Variants in SNTG2 observed in about 807,000 individuals in gnomAD.
The protein encoded by SNTG2 is syntrophin gamma 2.
In SNTG2, 74 loss-of-function variants were observed where a neutral mutation model predicts 70.9. The ratio of observed to expected loss-of-function variants is 1.04; its 90% CI spans 0.86 to 1.27. SNTG2 has a LOEUF of 1.27. Ranked by LOEUF, SNTG2 falls within the 50% of genes most tolerant of loss-of-function variation. The pLI is 0.00. For synonymous variants in SNTG2, 278 were observed against 273.8 expected, an observed-to-expected ratio of 1.02 and a Z score of -0.15; for missense variants, 717 against 690.7, an observed-to-expected ratio of 1.04 and a Z score of -0.43.
intron 1 of SNTG2, among the ~76,000 whole-genome samples, chr2:986,658 G>A (rs1228291274): frequency 2.6e-5 from 4 of 152,210 alleles, no homozygotes; most frequent in Non-Finnish European, 5.9e-5. Context: ...CGGAGATTCT[G>A]TGAAATGTCT....
At chr2:1,262,244 T>C (rs546177477) in intron 13 of SNTG2, among the ~76,000 whole-genome samples, 2 of 152,234 alleles carry the variant, frequency 1.3e-5, no homozygotes, top group East Asian at 1.9e-4. Flanking sequence ...AGGGCCATCA[T>C]TGTCTGTTAA....
At position 1,194,372 on chromosome 2, in the gene SNTG2, A is replaced by C. The variant is rs143394452; in HGVS notation, c.592-14731A>C. The stretch of plus-strand genomic sequence containing the variant: ...CCTCAGGCAGTTTCACCTTGTGACC[A>C]CATACAGCTGTGAAAATCACATATA... On this transcript the variant is annotated intron_variant, in intron 8 of 16. Coordinates refer to ENST00000308624, the MANE Select transcript of SNTG2 (RefSeq NM_018968.4). Among the ~76,000 whole-genome samples, 57 of 152,302 alleles carry C rather than the reference A, an allele frequency of 3.7e-4. 1 individual carries two copies. The East Asian group carries it at 8.3e-3, about 22-fold the overall frequency.
chr2:1,364,479 G>T (rs796438791), intron 16 of SNTG2, among the ~76,000 whole-genome samples: 2 of 151,824 alleles, frequency 1.3e-5, no homozygotes, highest in Non-Finnish European at 2.9e-5. Flanking sequence ...AACCCTGGCC[G>T]GGCGCGGTGG....
In SNTG2 at chr2:950,908, G is replaced by C. The variant is rs1469187276; in HGVS notation, c.-89G>C. On this transcript the variant is annotated 5_prime_UTR_variant, in exon 1 of 17. Transcript: ENST00000308624. ...GGCAGAGGGGCGCGGGCGCGGACGC[G>C]GCGCCTGGCGGGGCCCTGGGAGGCT... 2.4e-5 allele frequency: 14 copies of C among 589,234 alleles called. No individual in the cohort carries two copies. The highest frequency in any genetic ancestry group is 3.1e-5 in the Non-Finnish European group (13 of 425,388). The allele number at this position is 589,234 out of a possible 1,614,324, so 36.5% of individuals were successfully genotyped here.
chr2:1,298,232 AAG>A (rs1005118274), intron 14 of SNTG2, among the ~76,000 whole-genome samples: 158 of 152,204 alleles, frequency 1.0e-3, no homozygotes, highest in Non-Finnish European at 1.6e-3. Context: ...TCCCAGGCTC[AAG>A]AGAGTCTCGT....
chr2:1,098,558 A>T, intron 4 of SNTG2, 148 bp downstream of exon 4: 1 of 855,916 alleles, frequency 1.2e-6, no homozygotes, highest in South Asian at 1.6e-5. Context: ...GTTTCAAAGG[A>T]TGCTTCTTAT....
chr2:1,336,861 T>C (rs1351164082), intron 16 of SNTG2, among the ~76,000 whole-genome samples: 1 of 151,944 alleles, frequency 6.6e-6, no homozygotes, highest in African/African-American at 2.4e-5. Flanking sequence ...TGTTACAGCT[T>C]TGTAGTATAT....
intron 1 of SNTG2, among the ~76,000 whole-genome samples, chr2:1,003,015 C>A (rs1342485799): frequency 6.6e-6 from 1 of 152,024 alleles, no homozygotes; most frequent in Non-Finnish European, 1.5e-5. Context: ...TCCTGCATGT[C>A]CCTGCATGTT....
chr2:1,259,501 G>A (rs1011899381), intron 13 of SNTG2, 60 bp downstream of exon 13: 2 of 1,354,270 alleles, frequency 1.5e-6, no homozygotes, highest in Non-Finnish European at 2.1e-6. Flanking sequence ...TGGGCTTGCA[G>A]AATGAGAGGA....
intron 1 of SNTG2, among the ~76,000 whole-genome samples, chr2:981,766 A>G (rs1309761464): frequency 6.6e-6 from 1 of 152,220 alleles, no homozygotes; most frequent in African/African-American, 2.4e-5. Context: ...ACATGAGTAC[A>G]CACATGCCCC....
chr2:1,117,125 G>A (rs2148277146), intron 4 of SNTG2, among the ~76,000 whole-genome samples: 1 of 151,970 alleles, frequency 6.6e-6, no homozygotes, highest in Non-Finnish European at 1.5e-5. Flanking sequence ...GCTCTTGTGT[G>A]TAGGTGCTCT....
chr2:981,391 C>T (rs939478571), intron 1 of SNTG2, among the ~76,000 whole-genome samples: 1 of 152,006 alleles, frequency 6.6e-6, no homozygotes, highest in African/African-American at 2.4e-5. Context: ...AGTATACAAA[C>T]GCATGCATGT....
At chr2:1,223,766 C>T (rs1407850322) in intron 9 of SNTG2, among the ~76,000 whole-genome samples, 2 of 152,212 alleles carry the variant, frequency 1.3e-5, no homozygotes, top group Admixed American at 6.5e-5. Context: ...ATGACCTCAG[C>T]ACACTAACCT....
At chr2:1,218,733 G>A (rs1674559182) in intron 9 of SNTG2, among the ~76,000 whole-genome samples, 1 of 152,132 alleles carries the variant, frequency 6.6e-6, no homozygotes, top group South Asian at 2.1e-4. Flanking sequence ...GTGGTATGAA[G>A]GAATAGTACG....
In SNTG2 at chr2:1,164,189, T is replaced by C. The variant is rs1420678697; in HGVS notation, c.412-1359T>C. 3.0e-3 allele frequency among the ~76,000 whole-genome samples: 341 copies of C among 112,566 alleles called. No individual in the cohort carries two copies. In the Middle Eastern group the frequency reaches 0.031, roughly 10 times the overall value. 73.8% of individuals were successfully genotyped at this position (112,566 alleles called of 152,430 possible). A position where few individuals can be genotyped will look rare whatever the true frequency, so the allele number is the denominator to read the frequency against. On this transcript the variant is annotated intron_variant, in intron 6 of 16. Transcript: ENST00000308624. Reference sequence around the variant, plus strand: ...GAAGTGAGGTAGGAACCTGCCGAAATTGTGGGCAGTCTCTGTGTAGAGGAG... The same window carrying C: ...GAAGTGAGGTAGGAACCTGCCGAAACTGTGGGCAGTCTCTGTGTAGAGGAG...
intron 6 of SNTG2, among the ~76,000 whole-genome samples, chr2:1,147,062 A>G (rs149713405): frequency 1.4e-4 from 21 of 152,340 alleles, no homozygotes; most frequent in East Asian, 5.8e-4. Context: ...TGTTAACTTT[A>G]TATAATAGCA....
chr2:1,227,598 G>A lies in SNTG2; in HGVS notation c.720-10290G>A, dbSNP rs1675880632. Among the ~76,000 whole-genome samples the A allele has an allele frequency of 2.0e-5, 3 of 152,340 alleles. No individual in the cohort carries two copies. The South Asian group carries it at 6.2e-4, about 32-fold the overall frequency. Reference sequence around the variant, plus strand: ...CTGGAGTCCTGCAGCTTCCACACAAGCTCCTCAGGCCTGTTGGAGTGTGGG... The same window carrying A: ...CTGGAGTCCTGCAGCTTCCACACAAACTCCTCAGGCCTGTTGGAGTGTGGG... On this transcript the variant is annotated intron_variant, in intron 9 of 16. Coordinates refer to ENST00000308624, the MANE Select transcript of SNTG2 (RefSeq NM_018968.4).
intron 13 of SNTG2, among the ~76,000 whole-genome samples, chr2:1,265,194 C>T (rs774684051): frequency 1.3e-5 from 2 of 152,196 alleles, no homozygotes; most frequent in African/African-American, 2.4e-5. Flanking sequence ...CAATGATGAA[C>T]ATGTTGTTCT....
At chr2:1,198,708 A>C (rs6746241) in intron 8 of SNTG2, among the ~76,000 whole-genome samples, 49,273 of 151,930 alleles carry the variant, frequency 0.32, 8,534 homozygotes, top group East Asian at 0.65. Flanking sequence ...AAGATTTTGA[A>C]GCAGAAATTC....
Sources: gnomAD v4.1 joint callset for allele counts (sites outside exome capture counted in the v4.1 genomes callset) on GRCh38, gnomAD v4.1.1 for gene constraint, MANE v1.5 for transcripts, NCBI Gene and HGNC (gene_info 2026-07-23, HGNC 2026-07-21) for gene names.